MCUB: variants seen among roughly 807,000 people sequenced by gnomAD.
The protein encoded by MCUB is mitochondrial calcium uniporter dominant negative subunit beta, also known as calcium uniporter regulatory subunit MCUb, mitochondrial.
In MCUB, 46 loss-of-function variants were observed where a neutral mutation model predicts 41.4. The observed-to-expected ratio is 1.11, with a 90% CI of 0.88 to 1.42. The LOEUF is 1.42. Among genes scored for constraint, MCUB ranks in the 40% most tolerant of loss-of-function variants. The pLI is 0.00. For synonymous variants in MCUB, 148 were observed against 148.2 expected (o/e 1.00, Z 0.01); for missense variants, 403 against 404.9 (o/e 1.00, Z 0.04).
chr4:109,677,027 G>C (rs1002777111), intron 4 of MCUB, among the ~76,000 whole-genome samples: 1 of 152,234 alleles, frequency 6.6e-6, no homozygotes, highest in Non-Finnish European at 1.5e-5. Context: ...GCTACTGCCT[G>C]GGCTGAGCCC....
intron 1 of MCUB, among the ~76,000 whole-genome samples, chr4:109,652,740 G>A (rs1051304415): frequency 2.6e-5 from 4 of 152,170 alleles, no homozygotes; most frequent in African/African-American, 9.7e-5. Flanking sequence ...TCCAACACAT[G>A]GACTCTGGGG....
intron 3 of MCUB, 132 bp from the exon 4 acceptor site, chr4:109,664,158 G>C: frequency 1.6e-6 from 1 of 635,446 alleles, no homozygotes; most frequent in Non-Finnish European, 2.8e-6. Flanking sequence ...TGGGTTTGGG[G>C]ACACCCCCCA....
intron 1 of MCUB, among the ~76,000 whole-genome samples, chr4:109,576,335 A>T (rs1727028402): frequency 6.6e-6 from 1 of 152,178 alleles, no homozygotes; most frequent in African/African-American, 2.4e-5. Context: ...TGTTTCTTTC[A>T]TCCAAATAAC....
rs1729274002 is a variant in MCUB at position 109,663,576 on chromosome 4, A to T, written c.347-714A>T. Reference sequence around the variant, plus strand: ...CACCTCCTTGACAGTTTGCCTCTTCATTTTTTTCAAGCTTGAAAGGAAGAT... The same window carrying T: ...CACCTCCTTGACAGTTTGCCTCTTCTTTTTTTTCAAGCTTGAAAGGAAGAT... On this transcript the variant is annotated intron_variant, in intron 3 of 7. Coordinates refer to ENST00000394650, the MANE Select transcript of MCUB (RefSeq NM_017918.5). 4.0e-5 allele frequency among the ~76,000 whole-genome samples: 6 copies of T among 151,648 alleles called. 1 individual carries two copies. The South Asian group carries it at 1.3e-3, about 32-fold the overall frequency.
At chr4:109,669,481 A>T (rs1401509568) in intron 4 of MCUB, among the ~76,000 whole-genome samples, 2 of 152,110 alleles carry the variant, frequency 1.3e-5, no homozygotes, top group East Asian at 3.9e-4. Context: ...TTTGAAAATG[A>T]TATACGTATG....
chr4:109,613,565 T>A (rs2126133995), intron 1 of MCUB, among the ~76,000 whole-genome samples: 1 of 152,322 alleles, frequency 6.6e-6, no homozygotes, highest in Non-Finnish European at 1.5e-5. Flanking sequence ...TTCATCAAAG[T>A]ATGCAAGCTG....
intron 1 of MCUB, among the ~76,000 whole-genome samples, chr4:109,601,026 C>T (rs1727720711): frequency 6.6e-6 from 1 of 152,124 alleles, no homozygotes. Context: ...ATCTCTTGAC[C>T]TTGTGATCCA....
intron 1 of MCUB, among the ~76,000 whole-genome samples, chr4:109,582,166 G>T (rs529158468): frequency 6.6e-6 from 1 of 151,820 alleles, no homozygotes; most frequent in African/African-American, 2.4e-5. Flanking sequence ...AGAAAATGTG[G>T]CACATATACA....
intron 4 of MCUB, chr4:109,674,266 C>T (rs958887714): frequency 4.6e-6 from 3 of 651,490 alleles, no homozygotes; most frequent in African/African-American, 1.8e-5. Context: ...TCCTTTCTTG[C>T]AGGCTTGATT....
At chr4:109,635,695 C>A (rs1728574307) in intron 1 of MCUB, among the ~76,000 whole-genome samples, 1 of 152,138 alleles carries the variant, frequency 6.6e-6, no homozygotes, top group African/African-American at 2.4e-5. Context: ...GGAGCGTCTT[C>A]CTTCCTTCCT....
At chr4:109,661,787 C>T (rs1394696860) in intron 3 of MCUB, among the ~76,000 whole-genome samples, 1 of 152,078 alleles carries the variant, frequency 6.6e-6, no homozygotes, top group Non-Finnish European at 1.5e-5. Context: ...AATCCCAGCA[C>T]TTTGGGAGGC....
At chr4:109,578,493 C>CTTTT (rs113130648) in intron 1 of MCUB, among the ~76,000 whole-genome samples, 4 of 145,252 alleles carry the variant, frequency 2.8e-5, no homozygotes, top group South Asian at 4.4e-4. Flanking sequence ...GAATCTCATA[C>CTTTT]TTTTTTTTTT....
intron 1 of MCUB, among the ~76,000 whole-genome samples, chr4:109,566,591 C>T (rs1561210721): frequency 6.6e-6 from 1 of 152,186 alleles, no homozygotes; most frequent in Non-Finnish European, 1.5e-5. Flanking sequence ...TAAGACCATT[C>T]TGACATTGAC....
intron 1 of MCUB, among the ~76,000 whole-genome samples, chr4:109,620,607 T>C (rs1728231571): frequency 6.6e-6 from 1 of 151,722 alleles, no homozygotes; most frequent in South Asian, 2.1e-4. Flanking sequence ...TAGCATTCAA[T>C]TGTTATCATA....
chr4:109,597,793 T>C (rs1727610915), intron 1 of MCUB, among the ~76,000 whole-genome samples: 3 of 146,860 alleles, frequency 2.0e-5, no homozygotes, highest in East Asian at 4.2e-4. Context: ...TCCTCACTTC[T>C]CAGACGGGGC....
At chr4:109,604,146 C>T (rs1052469568) in intron 1 of MCUB, among the ~76,000 whole-genome samples, 3 of 151,762 alleles carry the variant, frequency 2.0e-5, no homozygotes, top group South Asian at 4.2e-4. Context: ...GGATTAAGGG[C>T]GGTGCAAGAT....
intron 1 of MCUB, among the ~76,000 whole-genome samples, chr4:109,577,598 C>CTTTTTTTTTTT: frequency 2.1e-5 from 1 of 48,662 alleles, no homozygotes; most frequent in Non-Finnish European, 4.1e-5. Context: ...TACTTGAATT[C>CTTTTTTTTTTT]TTTTTTTTTT....
Position 109,660,255 on chromosome 4 carries a change from A to G in MCUB, c.236A>G (p.Lys79Arg), listed in dbSNP as rs775080152. Residue 79 changes from lysine to arginine, a missense_variant, in exon 3 of 8, where the codon AAA becomes AGA. Coordinates refer to ENST00000394650, the MANE Select transcript of MCUB (RefSeq NM_017918.5). ...PLVTLTLPSRKERCQFVVKPM... is the reference protein window; with the variant it reads ...PLVTLTLPSRRERCQFVVKPM... Reference sequence around the variant, plus strand: ...GTAACACTTACCTTGCCATCTAGAAAAGAACGTTGTCAATTCGTAGTCAAA... The same window carrying G: ...GTAACACTTACCTTGCCATCTAGAAGAGAACGTTGTCAATTCGTAGTCAAA... The G allele has an allele frequency of 6.2e-7, 1 of 1,603,184 alleles. No homozygotes were observed. Among genetic ancestry groups the G allele is most frequent in the Non-Finnish European group, 8.5e-7 (1 of 1,170,204 alleles).
intron 1 of MCUB, among the ~76,000 whole-genome samples, chr4:109,599,775 TCTC>T (rs1468757776): frequency 2.0e-5 from 3 of 152,058 alleles, no homozygotes. Flanking sequence ...TTCAAGCAAT[TCTC>T]CTGCCTCAGC....
Sources: allele counts gnomAD v4.1 joint callset (sites outside exome capture counted in the v4.1 genomes callset), GRCh38; gene constraint gnomAD v4.1.1; transcripts MANE v1.5; gene names NCBI Gene and HGNC (gene_info 2026-07-23, HGNC 2026-07-21).